Variants in IQGAP2 observed in about 807,000 individuals in gnomAD.
The protein encoded by IQGAP2 is ras GTPase-activating-like protein IQGAP2.
A neutral mutation model predicts 201.3 loss-of-function variants in IQGAP2; 173 were observed. That is an observed-to-expected ratio of 0.86 (90% CI 0.76 to 0.98). IQGAP2 has a LOEUF of 0.98. IQGAP2 is among the 50% of genes least tolerant of loss of function. The probability of loss-of-function intolerance (pLI) is 0.00; values close to 1 mark genes in which losing one functional copy is unlikely to be tolerated. For missense variants in IQGAP2, 1,687 were observed against 1,864.8 expected, an observed-to-expected ratio of 0.90 and a Z score of 1.76; for synonymous variants, 675 against 673.9, an observed-to-expected ratio of 1.00 and a Z score of -0.03.
intron 17 of IQGAP2, among the ~76,000 whole-genome samples, chr5:76,644,816 T>C (rs1232554734): frequency 6.6e-6 from 1 of 152,192 alleles, no homozygotes. Flanking sequence ...AAATGAAAGA[T>C]GAGGCATGTA....
At chr5:76,537,860 C>T (rs1759716117) in intron 2 of IQGAP2, among the ~76,000 whole-genome samples, 1 of 152,116 alleles carries the variant, frequency 6.6e-6, no homozygotes, top group African/African-American at 2.4e-5. Flanking sequence ...AATTTGGACC[C>T]TCGGGGCAGC....
intron 2 of IQGAP2, among the ~76,000 whole-genome samples, chr5:76,473,398 T>G (rs990071299): frequency 1.3e-5 from 2 of 152,220 alleles, no homozygotes; most frequent in Non-Finnish European, 2.9e-5. Context: ...CTATTATAAG[T>G]AGTTTGTTCT....
intron 2 of IQGAP2, among the ~76,000 whole-genome samples, chr5:76,462,429 G>A (rs950496957): frequency 5.3e-5 from 8 of 152,144 alleles, no homozygotes; most frequent in East Asian, 3.9e-4. Context: ...TAAATGTTGC[G>A]TTCTCCAAGG....
chr5:76,691,939 A>T (rs1015178535), intron 30 of IQGAP2, among the ~76,000 whole-genome samples: 1 of 152,224 alleles, frequency 6.6e-6, no homozygotes, highest in Admixed American at 6.5e-5. Context: ...TCTAAATTTC[A>T]TGCTACATGA....
At chr5:76,510,665 G>A (rs1054518797) in intron 2 of IQGAP2, 9 of 536,320 alleles carry the variant, frequency 1.7e-5, no homozygotes, top group South Asian at 2.8e-5. Flanking sequence ...GACTGCCACC[G>A]CTAAACAGCC....
intron 18 of IQGAP2, among the ~76,000 whole-genome samples, chr5:76,653,231 A>C (rs2150431900): frequency 6.6e-6 from 1 of 152,330 alleles, no homozygotes; most frequent in South Asian, 2.1e-4. Flanking sequence ...GATAAGAGGA[A>C]GTAGAGCTAA....
chr5:76,463,501 G>T (rs1054893759), intron 2 of IQGAP2, among the ~76,000 whole-genome samples: 1 of 152,186 alleles, frequency 6.6e-6, no homozygotes, highest in African/African-American at 2.4e-5. Context: ...TTTAAAGAAG[G>T]TGAAAGTATT....
At chr5:76,514,804 T>C (rs1161790350) in intron 2 of IQGAP2, among the ~76,000 whole-genome samples, 1 of 152,212 alleles carries the variant, frequency 6.6e-6, no homozygotes, top group Non-Finnish European at 1.5e-5. Flanking sequence ...AGACTAAGAC[T>C]GTTTTCCCTC....
intron 1 of IQGAP2, among the ~76,000 whole-genome samples, chr5:76,409,840 G>A (rs1453293469): frequency 1.3e-5 from 2 of 152,182 alleles, no homozygotes; most frequent in African/African-American, 2.4e-5. Context: ...TTTCTCTCTT[G>A]AGATGCAGTG....
intron 2 of IQGAP2, among the ~76,000 whole-genome samples, chr5:76,481,386 G>T (rs545047049): frequency 6.9e-6 from 1 of 145,650 alleles, no homozygotes; most frequent in African/African-American, 2.5e-5. Context: ...TACAAAAAAA[G>T]TTTTTTTTTT....
chr5:76,504,564 C>G (rs1283147295), intron 2 of IQGAP2, among the ~76,000 whole-genome samples: 1 of 152,194 alleles, frequency 6.6e-6, no homozygotes, highest in African/African-American at 2.4e-5. Context: ...CAGGCCACTT[C>G]CGTGAGCCCC....
At chr5:76,521,424 C>CA (rs1318553973) in intron 2 of IQGAP2, among the ~76,000 whole-genome samples, 1 of 152,172 alleles carries the variant, frequency 6.6e-6, no homozygotes, top group Non-Finnish European at 1.5e-5. Flanking sequence ...GAAAAGCAGG[C>CA]AAAATCTAAT....
At chr5:76,550,071 G>A (rs995910099) in intron 2 of IQGAP2, among the ~76,000 whole-genome samples, 1 of 152,162 alleles carries the variant, frequency 6.6e-6, no homozygotes, top group East Asian at 1.9e-4. Flanking sequence ...CAAAGTGAGA[G>A]AGACTCAAGT....
At chr5:76,440,891 C>T (rs1214388712) in intron 1 of IQGAP2, among the ~76,000 whole-genome samples, 2 of 152,048 alleles carry the variant, frequency 1.3e-5, no homozygotes, top group Admixed American at 6.6e-5. Context: ...ATTAGCCAGG[C>T]GTGGTGGCGG....
At position 76,542,377 on chromosome 5, in the gene IQGAP2, A is replaced by G. The variant is rs574176618; in HGVS notation, c.147-20019A>G. Among the ~76,000 whole-genome samples, 7 of 152,344 alleles carry G rather than the reference A, an allele frequency of 4.6e-5. No individual in the cohort carries two copies. The South Asian group carries it at 1.0e-3, about 23-fold the overall frequency. On this transcript the variant is annotated intron_variant, in intron 2 of 35. Coordinates refer to ENST00000274364, the MANE Select transcript of IQGAP2 (RefSeq NM_006633.5). ...GGCCCTTGTGGTCCACATTTCCACA[A>G]GTAGCTGTGAGCTAGAGCCAAGTTG...
intron 5 of IQGAP2, among the ~76,000 whole-genome samples, chr5:76,582,352 GCCTTGGGAAGTT>G (rs1046179100): frequency 6.6e-6 from 1 of 152,216 alleles, no homozygotes; most frequent in Non-Finnish European, 1.5e-5. Context: ...AAGGGGAAGG[GCCTTGGGAAGTT>G]ATTGTAGTCT....
intron 1 of IQGAP2, among the ~76,000 whole-genome samples, chr5:76,453,516 T>C (rs989174988): frequency 6.6e-6 from 1 of 152,238 alleles, no homozygotes; most frequent in Non-Finnish European, 1.5e-5. Context: ...TGTTCCCTTG[T>C]CTTCTAAAGC....
At chr5:76,550,126 C>T (rs1435831920) in intron 2 of IQGAP2, among the ~76,000 whole-genome samples, 11 of 152,122 alleles carry the variant, frequency 7.2e-5, no homozygotes, top group Admixed American at 5.9e-4. Context: ...GCTGTGAACC[C>T]GTGAAACCAG....
intron 2 of IQGAP2, among the ~76,000 whole-genome samples, chr5:76,468,711 CTT>C (rs1303345909): frequency 1.3e-5 from 2 of 152,348 alleles, no homozygotes; most frequent in African/African-American, 4.8e-5. Context: ...AGTTCAACCT[CTT>C]TAGTTTTACA....
Sources: allele counts gnomAD v4.1 joint callset (sites outside exome capture counted in the v4.1 genomes callset), GRCh38; gene constraint gnomAD v4.1.1; transcripts MANE v1.5; gene names NCBI Gene and HGNC (gene_info 2026-07-23, HGNC 2026-07-21).